FAM107B: variants seen among roughly 807,000 people sequenced by gnomAD.
FAM107B encodes the protein protein FAM107B.
In FAM107B, 21 loss-of-function variants were observed where a neutral mutation model predicts 31.5. That is an observed-to-expected ratio of 0.67 (90% confidence interval 0.47 to 0.96). The LOEUF is 0.96. Among genes scored for constraint, FAM107B ranks in the 40% least tolerant of loss-of-function variants. FAM107B has a pLI of 0.00. For synonymous variants in FAM107B, 157 were observed against 141.5 expected (o/e 1.11, Z -0.78); for missense variants, 452 against 377.1 (o/e 1.20, Z -1.64).
Position 14,770,283 on chromosome 10 carries a change from G to A in FAM107B, c.411+3970C>T, listed in dbSNP as rs556598382. On this transcript the variant is annotated intron_variant, in intron 1 of 4. Transcript: ENST00000181796. ...CTCACACCTGTAATCCCAGCACTTC[G>A]GGAGGCCAAGGCGGGTGGATCATGA... Among the ~76,000 whole-genome samples, 16 of 152,220 alleles carry A rather than the reference G, an allele frequency of 1.1e-4. No individual in the cohort carries two copies. The East Asian group carries it at 1.4e-3, about 13-fold the overall frequency.
intron 1 of FAM107B, among the ~76,000 whole-genome samples, chr10:14,678,493 T>G (rs57339803): frequency 0.11 from 17,322 of 152,164 alleles, 1,033 homozygotes; most frequent in Middle Eastern, 0.14. Flanking sequence ...TGGGGGACAC[T>G]GCAGTGAACA....
At chr10:14,760,931 G>C (rs1833029826) in intron 1 of FAM107B, among the ~76,000 whole-genome samples, 1 of 143,828 alleles carries the variant, frequency 7.0e-6, no homozygotes, top group Non-Finnish European at 1.5e-5. Flanking sequence ...AGAATCGCTT[G>C]AACCCGGGAG....
At chr10:14,765,515 C>T (rs1362297123) in intron 1 of FAM107B, among the ~76,000 whole-genome samples, 1 of 152,108 alleles carries the variant, frequency 6.6e-6, no homozygotes, top group Non-Finnish European at 1.5e-5. Context: ...CTGTGTTTAA[C>T]ATCTTTTGAA....
At chr10:14,604,272 C>T in intron 2 of FAM107B, 10 of 979,710 alleles carry the variant, frequency 1.0e-5, no homozygotes, top group Non-Finnish European at 1.2e-5. Flanking sequence ...GCGGCTCCCT[C>T]CCAGCTCGCT....
chr10:14,692,766 C>T (rs956925191), intron 1 of FAM107B, among the ~76,000 whole-genome samples: 1 of 152,094 alleles, frequency 6.6e-6, no homozygotes, highest in South Asian at 2.1e-4. Flanking sequence ...TCAAATAGCC[C>T]AAGTGTGGTT....
At chr10:14,604,761 CTG>C (rs796828509) in intron 2 of FAM107B, among the ~76,000 whole-genome samples, 1 of 122,958 alleles carries the variant, frequency 8.1e-6, no homozygotes, top group Non-Finnish European at 1.8e-5. Flanking sequence ...CTCTACCTCT[CTG>C]TCTCTCTCAC....
At chr10:14,755,489 T>A (rs1463647505) in intron 1 of FAM107B, among the ~76,000 whole-genome samples, 1 of 149,734 alleles carries the variant, frequency 6.7e-6, no homozygotes, top group Non-Finnish European at 1.5e-5. Context: ...TGTGTGAGAT[T>A]CTGTCTCAAA....
intron 2 of FAM107B, among the ~76,000 whole-genome samples, chr10:14,632,819 G>A (rs536291826): frequency 3.9e-5 from 6 of 152,136 alleles, no homozygotes; most frequent in African/African-American, 1.4e-4. Context: ...AGAGACAGGG[G>A]GTACAGGGCA....
chr10:14,598,119 A>G (rs1276624679), intron 2 of FAM107B, among the ~76,000 whole-genome samples: 4 of 152,046 alleles, frequency 2.6e-5, no homozygotes, highest in Non-Finnish European at 5.9e-5. Context: ...TCCCCATTCC[A>G]CAGGTTGCCT....
chr10:14,548,217 G>T (rs895160166), intron 2 of FAM107B, among the ~76,000 whole-genome samples: 9 of 152,296 alleles, frequency 5.9e-5, no homozygotes, highest in African/African-American at 2.2e-4. Flanking sequence ...GGAGCAAGAC[G>T]TGGTCCAGGA....
At chr10:14,541,145 G>A (rs563502002) in intron 2 of FAM107B, among the ~76,000 whole-genome samples, 8 of 152,058 alleles carry the variant, frequency 5.3e-5, no homozygotes, top group East Asian at 3.9e-4. Context: ...ATCACCAGTC[G>A]CTCATCCCTC....
At position 14,738,589 on chromosome 10, in the gene FAM107B, C is replaced by G. The variant is rs530927539; in HGVS notation, c.411+35664G>C. ...TATTTCTGGGTATCCTGAAGCGTGT[C>G]ACACGCCACCTAAAAAAGGAGGTTA... On this transcript the variant is annotated intron_variant, in intron 1 of 4. Transcript: ENST00000181796. Among the ~76,000 whole-genome samples, 9 of 152,268 alleles carry G rather than the reference C, an allele frequency of 5.9e-5. No homozygotes were observed. In the East Asian group the frequency reaches 1.5e-3, roughly 26 times the overall value.
At chr10:14,643,433 A>G (rs1231911909) in intron 2 of FAM107B, among the ~76,000 whole-genome samples, 1 of 149,076 alleles carries the variant, frequency 6.7e-6, no homozygotes, top group East Asian at 2.0e-4. Context: ...TTTTTGAGAC[A>G]GAGTCTGATG....
In FAM107B at chr10:14,586,721, C is replaced by T. The variant is rs117750235; in HGVS notation, c.470-56206G>A. ...GAAATAAATGCTGTTTAAGCCACCC[C>T]GTCTGTGGTATTTGTTACAGCAGCC... On this transcript the variant is annotated intron_variant, in intron 2 of 4. Coordinates refer to ENST00000181796, the MANE Select transcript of FAM107B (RefSeq NM_031453.4). Among the ~76,000 whole-genome samples the T allele has an allele frequency of 3.3e-3, 506 of 152,230 alleles. 3 individuals are homozygous for T. The highest frequency in any genetic ancestry group is 4.1e-3 in the Non-Finnish European group (277 of 68,012).
chr10:14,746,031 TC>T (rs1458920268), intron 1 of FAM107B, among the ~76,000 whole-genome samples: 1 of 152,048 alleles, frequency 6.6e-6, no homozygotes, highest in African/African-American at 2.4e-5. Flanking sequence ...GTTGAGTTGA[TC>T]CCTTTACCAC....
chr10:14,760,651 A>G (rs1220691776), intron 1 of FAM107B, among the ~76,000 whole-genome samples: 1 of 150,978 alleles, frequency 6.6e-6, no homozygotes, highest in African/African-American at 2.5e-5. Flanking sequence ...TTTTTCTGAT[A>G]TGCAGAGAAC....
At chr10:14,726,097 G>A (rs544095410) in intron 1 of FAM107B, among the ~76,000 whole-genome samples, 6 of 151,506 alleles carry the variant, frequency 4.0e-5, no homozygotes, top group Non-Finnish European at 5.9e-5. Flanking sequence ...GGGTTCAAGC[G>A]ATTCTCCTGC....
chr10:14,695,737 T>A (rs1855249868), intron 1 of FAM107B, among the ~76,000 whole-genome samples: 1 of 152,222 alleles, frequency 6.6e-6, no homozygotes, highest in Admixed American at 6.5e-5. Context: ...ACTTTCTTGA[T>A]GTTATCATAG....
rs1833368162 is a variant in FAM107B, at chr10:14,774,220, CCGTCTATAATCGCAGAG to C, written c.411+16_411+32del. On this transcript the variant is annotated intron_variant, in intron 1 of 4. Transcript: ENST00000181796. The stretch of plus-strand genomic sequence containing the variant: ...ATCCCAACGCTCCTCCAGCTCCATC[CCGTCTATAATCGCAGAG>C]CGAACACTCACTCACCTTGGGCGTG... The C allele has an allele frequency of 4.5e-6, 7 of 1,570,944 alleles. No individual in the cohort carries two copies. In the African/African-American group the frequency reaches 8.1e-5, roughly 18 times the overall value.
Sources: allele counts gnomAD v4.1 joint callset (sites outside exome capture counted in the v4.1 genomes callset), GRCh38; gene constraint gnomAD v4.1.1; transcripts MANE v1.5; gene names NCBI Gene and HGNC (gene_info 2026-07-23, HGNC 2026-07-21).